Variants in FRMD4A observed in about 807,000 individuals in gnomAD.
FRMD4A encodes the protein FERM domain-containing protein 4A.
In FRMD4A, 29 loss-of-function variants were observed where a neutral mutation model predicts 129.1. The ratio of observed to expected loss-of-function variants is 0.22; its 90% CI spans 0.17 to 0.31. The LOEUF (loss-of-function observed/expected upper bound fraction) is 0.31, where lower values mean the gene tolerates loss of function less well. Ranked by LOEUF, FRMD4A falls within the 10% of genes least tolerant of loss-of-function variation. The pLI is 1.00. For synonymous variants in FRMD4A, 634 were observed against 571.6 expected, an observed-to-expected ratio of 1.11 and a Z score of -1.56; for missense variants, 1,272 against 1,375.8, an observed-to-expected ratio of 0.92 and a Z score of 1.19.
intron 2 of FRMD4A, among the ~76,000 whole-genome samples, chr10:13,941,849 C>A (rs964633847): frequency 6.6e-6 from 1 of 152,194 alleles, no homozygotes; most frequent in Non-Finnish European, 1.5e-5. Context: ...GTGGCCACAG[C>A]CTCCTAGCTG....
In FRMD4A at chr10:13,706,896, T is replaced by G. The variant is rs878919248; in HGVS notation, c.836+141A>C. 6 of 602,978 alleles carry G rather than the reference T, an allele frequency of 1.0e-5. No individual in the cohort carries two copies. The South Asian group carries it at 1.2e-4, about 12-fold the overall frequency. The allele number at this position is 602,978 out of a possible 1,614,324, so 37.4% of individuals were successfully genotyped here. On this transcript the variant is annotated intron_variant, in intron 13 of 24. Coordinates refer to ENST00000357447, the MANE Select transcript of FRMD4A (RefSeq NM_018027.5). ...TGAAAAGAAAGTTTCACTGTCTGAT[T>G]TGAGCTCCATTCCCCAGGAGCCCCC...
At chr10:13,798,929 T>C (rs61833395) in intron 4 of FRMD4A, among the ~76,000 whole-genome samples, 19,675 of 152,160 alleles carry the variant, frequency 0.13, 1,486 homozygotes, top group East Asian at 0.22. Flanking sequence ...TGTTCCTTCG[T>C]CCCAGTAGGC....
At chr10:13,674,642 G>C (rs901521548) in intron 16 of FRMD4A, among the ~76,000 whole-genome samples, 1 of 152,148 alleles carries the variant, frequency 6.6e-6, no homozygotes, top group African/African-American at 2.4e-5. Context: ...TTCCCAGCCA[G>C]GTCAACTGCT....
rs971179446 is a variant in FRMD4A, at chr10:13,717,636, T to A, written c.760-10523A>T. ...GCTAAATTTTTTTTTTTTTTTTTTT[T>A]AATCAGGGTTTGACTACTTTGGAGG... is the stretch of plus-strand genomic sequence containing the variant. On this transcript the variant is annotated intron_variant, in intron 12 of 24. Transcript: ENST00000357447. 2.7e-3 allele frequency among the ~76,000 whole-genome samples: 291 copies of A among 108,288 alleles called. 1 individual carries two copies. Among genetic ancestry groups the A allele is most frequent in the African/African-American group, 8.5e-3 (255 of 29,884 alleles). 71.0% of individuals were successfully genotyped at this position (108,288 alleles called of 152,430 possible).
At chr10:14,203,819 C>T (rs974073652) in intron 2 of FRMD4A, among the ~76,000 whole-genome samples, 6 of 152,198 alleles carry the variant, frequency 3.9e-5, no homozygotes, top group African/African-American at 1.4e-4. Flanking sequence ...TTAAAACGCT[C>T]CTCCTCGAAA....
chr10:13,819,151 C>CAAA (rs138155589), intron 3 of FRMD4A, among the ~76,000 whole-genome samples: 4 of 35,304 alleles, frequency 1.1e-4, no homozygotes, highest in Admixed American at 8.6e-4. Flanking sequence ...CAAAACAAAA[C>CAAA]AAAATCCCCA....
At chr10:14,082,874 C>T (rs1836010837) in intron 2 of FRMD4A, 2 of 152,216 alleles carry the variant, frequency 1.3e-5, no homozygotes, top group Admixed American at 6.5e-5. Flanking sequence ...CAAGAATGTT[C>T]ACTATTTTGT....
At chr10:13,801,836 T>A (rs1564826716) in intron 4 of FRMD4A, among the ~76,000 whole-genome samples, 1 of 152,190 alleles carries the variant, frequency 6.6e-6, no homozygotes, top group Non-Finnish European at 1.5e-5. Context: ...AGTGCCTCCC[T>A]CAAACCTTTT....
rs555411923 is a variant in FRMD4A at position 14,104,496 on chromosome 10, C to T, written c.45+225562G>A. 1.6e-4 allele frequency among the ~76,000 whole-genome samples: 24 copies of T among 152,352 alleles called. No individual in the cohort carries two copies. In the South Asian group the frequency reaches 4.6e-3, roughly 29 times the overall value. ...CCTTTCTTTCCAGATGCTCTACTCC[C>T]CAGAAAGGGAAGGTGAGGCCACACA... On this transcript the variant is annotated intron_variant, in intron 2 of 24. Coordinates refer to ENST00000357447, the MANE Select transcript of FRMD4A (RefSeq NM_018027.5).
chr10:14,240,240 C>T (rs543631550), intron 2 of FRMD4A, among the ~76,000 whole-genome samples: 18 of 152,248 alleles, frequency 1.2e-4, no homozygotes, highest in Admixed American at 1.1e-3. Flanking sequence ...ACAACCGAAA[C>T]GCCCTGTTGG....
Position 14,046,736 on chromosome 10 carries a change from A to G in FRMD4A, c.46-187824T>C, listed in dbSNP as rs980148914. On this transcript the variant is annotated intron_variant, in intron 2 of 24. Transcript: ENST00000357447. Reference sequence around the variant, plus strand: ...TCACGGCTGTAATGCTTTGATGGACAGGGATTTAGTGTTCTGCCTGGCTTT... The same window carrying G: ...TCACGGCTGTAATGCTTTGATGGACGGGGATTTAGTGTTCTGCCTGGCTTT... 3.4e-4 allele frequency among the ~76,000 whole-genome samples: 51 copies of G among 152,188 alleles called. 1 individual carries two copies. The highest frequency in any genetic ancestry group is 1.2e-3 in the African/African-American group (51 of 41,426).
chr10:14,101,557 A>G (rs1837302124), intron 2 of FRMD4A, among the ~76,000 whole-genome samples: 1 of 152,140 alleles, frequency 6.6e-6, no homozygotes, highest in Non-Finnish European at 1.5e-5. Flanking sequence ...AACAGTGGGA[A>G]CCTAGGGATA....
intron 2 of FRMD4A, among the ~76,000 whole-genome samples, chr10:14,256,310 C>G (rs1844613049): frequency 2.0e-5 from 3 of 152,234 alleles, no homozygotes; most frequent in African/African-American, 7.2e-5. Flanking sequence ...AAGTTCTATA[C>G]AAATTTCTCT....
At chr10:13,869,998 GTAT>G (rs2094421405) in intron 2 of FRMD4A, among the ~76,000 whole-genome samples, 3 of 152,338 alleles carry the variant, frequency 2.0e-5, no homozygotes, top group Non-Finnish European at 2.9e-5. Flanking sequence ...GCACTGGATT[GTAT>G]TATTATTATT....
chr10:14,140,744 A>G (rs1445197909), intron 2 of FRMD4A, among the ~76,000 whole-genome samples: 1 of 152,146 alleles, frequency 6.6e-6, no homozygotes, highest in Non-Finnish European at 1.5e-5. Context: ...GGGAATGGAG[A>G]GGAATATCCT....
intron 2 of FRMD4A, among the ~76,000 whole-genome samples, chr10:14,153,686 C>G (rs1180566341): frequency 6.6e-6 from 1 of 152,186 alleles, no homozygotes; most frequent in Non-Finnish European, 1.5e-5. Flanking sequence ...GCCTGCTCCC[C>G]TCCCGTCTCC....
At chr10:14,127,981 TCTCTC>T (rs1564319456) in intron 2 of FRMD4A, among the ~76,000 whole-genome samples, 10 of 18,184 alleles carry the variant, frequency 5.5e-4, no homozygotes, top group African/African-American at 3.0e-3. Context: ...TTTCTTTCCT[TCTCTC>T]TCTCTCTCTC....
In FRMD4A at chr10:14,108,203, C is replaced by A. The variant is rs566761166; in HGVS notation, c.45+221855G>T. 1.4e-4 allele frequency among the ~76,000 whole-genome samples: 21 copies of A among 152,254 alleles called. No homozygotes were observed. The Middle Eastern group carries it at 0.01, about 74-fold the overall frequency. ...GGCATTTCTCTTACTATTAGCGAGA[C>A]CAGCATCTTTCTTAAGTTTCAGCTC... is the stretch of plus-strand genomic sequence containing the variant. On this transcript the variant is annotated intron_variant, in intron 2 of 24. Coordinates refer to ENST00000357447, the MANE Select transcript of FRMD4A (RefSeq NM_018027.5).
At chr10:13,705,276 TC>T (rs2087305590) in intron 13 of FRMD4A, among the ~76,000 whole-genome samples, 1 of 152,174 alleles carries the variant, frequency 6.6e-6, no homozygotes, top group Non-Finnish European at 1.5e-5. Context: ...CTAGATTCTT[TC>T]CTATATCCCT....
Sources: gnomAD v4.1 joint callset for allele counts (sites outside exome capture counted in the v4.1 genomes callset) on GRCh38, gnomAD v4.1.1 for gene constraint, MANE v1.5 for transcripts, NCBI Gene and HGNC (gene_info 2026-07-23, HGNC 2026-07-21) for gene names.